WNT7B: variants seen among roughly 807,000 people sequenced by gnomAD.
WNT7B encodes the protein protein Wnt-7b.
Under a neutral mutation model 38.2 loss-of-function variants are expected in WNT7B, and 19 were observed. The observed-to-expected ratio is 0.50, with a 90% CI of 0.35 to 0.73. The LOEUF is 0.73. WNT7B is among the 30% of genes least tolerant of loss of function. The pLI is 0.01. For missense variants in WNT7B, 423 were observed against 507.9 expected (o/e 0.83, Z 1.61); for synonymous variants, 243 against 209.3 (o/e 1.16, Z -1.39).
At chr22:45,952,766 C>T (rs143059089) in intron 1 of WNT7B, among the ~76,000 whole-genome samples, 1,842 of 152,334 alleles carry the variant, frequency 0.012, 14 homozygotes, top group Middle Eastern at 0.027. Context: ...CCTGGCTTCC[C>T]GCCACCAGCC....
At position 45,963,795 on chromosome 22, in the gene WNT7B, G is replaced by T. The variant is rs192531943; in HGVS notation, c.71+12889C>A. 1.1e-4 allele frequency among the ~76,000 whole-genome samples: 17 copies of T among 152,290 alleles called. 1 individual carries two copies. The East Asian group carries it at 3.3e-3, about 29-fold the overall frequency. ...GCCTGGCTCTCCCCAGACTCTGAAG[G>T]TAGGGGACCAGCCCCAGCCACCCTC... On this transcript the variant is annotated intron_variant, in intron 1 of 3. Coordinates refer to ENST00000339464, the MANE Select transcript of WNT7B (RefSeq NM_058238.3).
chr22:45,948,857 T>TC lies in WNT7B; in HGVS notation c.298+1062dup, dbSNP rs1206673572. On this transcript the variant is annotated intron_variant, in intron 2 of 3. Transcript: ENST00000339464. ...TTTTTTTTTTTTTTTTTTTTTTTTT[T>TC]CCCCTGAGACAGAGTCTTGCTCTTT... is the stretch of plus-strand genomic sequence containing the variant. Among the ~76,000 whole-genome samples, 28 of 114,124 alleles carry TC rather than the reference T, an allele frequency of 2.5e-4. 1 individual carries two copies. The highest frequency in any genetic ancestry group is 4.4e-4 in the Non-Finnish European group (25 of 56,754). The allele number at this position is 114,124 out of a possible 152,430, so 74.9% of individuals were successfully genotyped here.
rs1423897533 is a variant in WNT7B, at chr22:45,976,317, C to T, written c.71+367G>A. ...CGGCGCACCCTCCAGGCGGCGAGCG[C>T]TCGGCCCGGGCTCGGCGCCCAGCGC... is the stretch of plus-strand genomic sequence containing the variant. On this transcript the variant is annotated intron_variant, in intron 1 of 3. Coordinates refer to ENST00000339464, the MANE Select transcript of WNT7B (RefSeq NM_058238.3). This position sits in a 1 kb window ranked among gnomAD's most constrained non-coding sequence, Gnocchi z 8.5. Among the ~76,000 whole-genome samples the T allele has an allele frequency of 4.0e-5, 6 of 149,696 alleles. No individual in the cohort carries two copies. The highest frequency in any genetic ancestry group is 7.4e-5 in the Non-Finnish European group (5 of 67,172).
At chr22:45,933,115 C>T (rs141448605) in intron 2 of WNT7B, among the ~76,000 whole-genome samples, 377 of 152,282 alleles carry the variant, frequency 2.5e-3, no homozygotes, top group Admixed American at 7.1e-3. Context: ...AGGGTGAGGA[C>T]TGGGATGGGG....
chr22:45,955,454 G>A (rs540781973), intron 1 of WNT7B, among the ~76,000 whole-genome samples: 1 of 152,368 alleles, frequency 6.6e-6, no homozygotes, highest in African/African-American at 2.4e-5. Context: ...GGCACCCTCA[G>A]CAAACCCTGC....
In WNT7B at chr22:45,922,758, T is replaced by C; in HGVS notation, c.*98A>G. 2 of 1,518,792 alleles carry C rather than the reference T, an allele frequency of 1.3e-6. No individual in the cohort carries two copies. Among genetic ancestry groups the C allele is most frequent in the Non-Finnish European group, 1.8e-6 (2 of 1,132,570 alleles). The allele number at this position is 1,518,792 out of a possible 1,614,324, so 94.1% of individuals were successfully genotyped here. A position where few individuals can be genotyped will look rare whatever the true frequency, so the allele number is the denominator to read the frequency against. On this transcript the variant is annotated 3_prime_UTR_variant, in exon 4 of 4. Coordinates refer to ENST00000339464, the MANE Select transcript of WNT7B (RefSeq NM_058238.3). ...AGCTCCCCGCTTCTGCACCCGTCTA[T>C]GTCTGCTGCTGGCAGCACCAAGGCA...
At position 45,976,766 on chromosome 22, in the gene WNT7B, G is replaced by A. The variant is rs527482953; in HGVS notation, c.-12C>T. 2.5e-6 allele frequency: 4 copies of A among 1,603,708 alleles called. No individual in the cohort carries two copies. The African/African-American group carries it at 5.4e-5, about 22-fold the overall frequency. ...AAGTTTCTGTGCATGATCCAGGGAGGGGGGCTGCGCCATAGACAGCGGCGG... is the reference window on the plus strand; with the variant it reads ...AAGTTTCTGTGCATGATCCAGGGAGAGGGGCTGCGCCATAGACAGCGGCGG... On this transcript the variant is annotated 5_prime_UTR_variant, in exon 1 of 4. Coordinates refer to ENST00000339464, the MANE Select transcript of WNT7B (RefSeq NM_058238.3). This position sits in a 1 kb window ranked among gnomAD's most constrained non-coding sequence, Gnocchi z 8.5.
intron 2 of WNT7B, among the ~76,000 whole-genome samples, chr22:45,934,521 C>G (rs922253400): frequency 6.6e-6 from 1 of 152,118 alleles, no homozygotes; most frequent in Non-Finnish European, 1.5e-5. Context: ...GTGGATGTCC[C>G]CTCAGAGGTC....
intron 2 of WNT7B, chr22:45,936,199 A>G: frequency 3.1e-6 from 3 of 983,000 alleles, no homozygotes; most frequent in Non-Finnish European, 3.6e-6. Flanking sequence ...TCGGCAAGTT[A>G]CCAGCCCTCT....
chr22:45,950,571 C>T (rs1173837148), intron 1 of WNT7B, among the ~76,000 whole-genome samples: 2 of 152,258 alleles, frequency 1.3e-5, no homozygotes, highest in Admixed American at 6.5e-5. Flanking sequence ...GGGCTTTCCC[C>T]TCATTTATAA....
intron 1 of WNT7B, among the ~76,000 whole-genome samples, chr22:45,967,867 C>T (rs1003869632): frequency 1.3e-5 from 2 of 152,166 alleles, no homozygotes; most frequent in African/African-American, 4.8e-5. Context: ...CCATCAGCAC[C>T]TCCAACTGCT....
At chr22:45,926,553 G>T in intron 3 of WNT7B, 10 of 985,436 alleles carry the variant, frequency 1.0e-5, no homozygotes, top group Non-Finnish European at 1.2e-5. Flanking sequence ...AGACTGACCA[G>T]CCCAGGAGCC....
Position 45,954,970 on chromosome 22 carries a change from T to A in WNT7B, c.72-4824A>T, listed in dbSNP as rs115476300. Among the ~76,000 whole-genome samples, 710 of 152,356 alleles carry A rather than the reference T, an allele frequency of 4.7e-3. 3 individuals carry two copies. The highest frequency in any genetic ancestry group is 0.016 in the African/African-American group (685 of 41,584). ...CCAGGCTTGGAGCCCAGTCTCTGAA[T>A]CCAGCACTCAGGTAGAAGAAGGAGT... On this transcript the variant is annotated intron_variant, in intron 1 of 3. Transcript: ENST00000339464.
rs56092335 is a variant in WNT7B, at chr22:45,928,593, C to G, written c.570+2505G>C. Among the ~76,000 whole-genome samples, 3 of 152,078 alleles carry G rather than the reference C, an allele frequency of 2.0e-5. No homozygotes were observed. In the South Asian group the frequency reaches 6.2e-4, roughly 32 times the overall value. ...CTGTCCTCTTTGTCTCCTGCCCACCCGTGGGGACCATCACCAGCCGCCTTG... is the reference window on the plus strand; with the variant it reads ...CTGTCCTCTTTGTCTCCTGCCCACCGGTGGGGACCATCACCAGCCGCCTTG... On this transcript the variant is annotated intron_variant, in intron 3 of 3. Coordinates refer to ENST00000339464, the MANE Select transcript of WNT7B (RefSeq NM_058238.3).
At chr22:45,940,724 C>T (rs915041571) in intron 2 of WNT7B, among the ~76,000 whole-genome samples, 1 of 152,180 alleles carries the variant, frequency 6.6e-6, no homozygotes, top group Non-Finnish European at 1.5e-5. Flanking sequence ...CACAGAGGAG[C>T]CAGCAGGGTA....
rs1301778889 is a variant in WNT7B, at chr22:45,966,558, C to T, written c.71+10126G>A. ...TCACTCGGGCTCTTCTCCGTTGCTG[C>T]TGACACCCGGCAAGCTGCTCGTCGG... On this transcript the variant is annotated intron_variant, in intron 1 of 3. Transcript: ENST00000339464. The surrounding 1 kb of genome is among the most constrained non-coding windows in gnomAD (Gnocchi z 4.2). Among the ~76,000 whole-genome samples, 1 of 152,212 alleles carries T rather than the reference C, an allele frequency of 6.6e-6. No homozygotes were observed. The highest frequency in any genetic ancestry group is 2.4e-5 in the African/African-American group (1 of 41,446).
chr22:45,972,966 C>T (rs1932483726), intron 1 of WNT7B, among the ~76,000 whole-genome samples: 1 of 152,246 alleles, frequency 6.6e-6, no homozygotes, highest in Admixed American at 6.5e-5. Context: ...CCCGTGTGCC[C>T]TGGGTTTAGG....
chr22:45,959,266 G>C (rs1349893369), intron 1 of WNT7B, among the ~76,000 whole-genome samples: 1 of 152,176 alleles, frequency 6.6e-6, no homozygotes, highest in East Asian at 1.9e-4. Context: ...GCGCGGCCGT[G>C]GGCTGTCCCC....
At chr22:45,929,348 TC>T (rs1246004663) in intron 3 of WNT7B, among the ~76,000 whole-genome samples, 2 of 151,936 alleles carry the variant, frequency 1.3e-5, no homozygotes, top group African/African-American at 4.8e-5. Context: ...TGTCACTCAT[TC>T]CTTTATCCAT....
Sources: allele counts gnomAD v4.1 joint callset (sites outside exome capture counted in the v4.1 genomes callset), GRCh38; gene constraint gnomAD v4.1.1; non-coding constraint Gnocchi (gnomAD v3.1); transcripts MANE v1.5; gene names NCBI Gene and HGNC (gene_info 2026-07-23, HGNC 2026-07-21).